Variants in CCDC85A observed in about 807,000 individuals in gnomAD.
The protein encoded by CCDC85A is coiled-coil domain-containing protein 85A.
A neutral mutation model predicts 50.2 loss-of-function variants in CCDC85A; 38 were observed. The observed-to-expected ratio is 0.76, with a 90% confidence interval of 0.58 to 0.99. CCDC85A has a LOEUF of 0.99. Among genes scored for constraint, CCDC85A ranks in the 50% least tolerant of loss-of-function variants. The pLI is 0.00. For missense variants in CCDC85A, 820 were observed against 742.0 expected (o/e 1.11, Z -1.22); for synonymous variants, 366 against 301.4 (o/e 1.21, Z -2.22).
At position 56,329,673 on chromosome 2, in the gene CCDC85A, G is replaced by C. The variant is rs115435122; in HGVS notation, c.1241-13206G>C. ...TGTGTATGAGTTTGTTTTGCCATCT[G>C]TTGTTTCATAGCCAGTACAGAGTAT... On this transcript the variant is annotated intron_variant, in intron 2 of 5. Transcript: ENST00000407595. 8.4e-3 allele frequency among the ~76,000 whole-genome samples: 1,284 copies of C among 152,188 alleles called. 18 individuals are homozygous for C. The highest frequency in any genetic ancestry group is 0.03 in the African/African-American group (1,227 of 41,532).
intron 2 of CCDC85A, among the ~76,000 whole-genome samples, chr2:56,202,565 G>T (rs1406908057): frequency 6.6e-6 from 1 of 152,172 alleles, no homozygotes; most frequent in South Asian, 2.1e-4. Context: ...GGAGCAAAAG[G>T]ATGGGCCAGA....
intron 2 of CCDC85A, among the ~76,000 whole-genome samples, chr2:56,267,053 A>G (rs34979489): frequency 2.0e-5 from 3 of 151,930 alleles, no homozygotes; most frequent in Non-Finnish European, 2.9e-5. Flanking sequence ...TTTCTAATAT[A>G]CAATGTAGGG....
At chr2:56,193,497 G>A (rs536883369) in intron 2 of CCDC85A, 57 bp downstream of exon 2, 3 of 1,496,576 alleles carry the variant, frequency 2.0e-6, no homozygotes, top group East Asian at 2.3e-5. Context: ...AGAGAGTTAC[G>A]AATGATGATG....
intron 2 of CCDC85A, among the ~76,000 whole-genome samples, chr2:56,238,232 A>G (rs1669106172): frequency 6.6e-6 from 1 of 152,104 alleles, no homozygotes; most frequent in South Asian, 2.1e-4. Flanking sequence ...CCTGGCCAAC[A>G]TGGCAAAACC....
Position 56,222,245 on chromosome 2 carries a change from A to G in CCDC85A, c.1240+28805A>G, listed in dbSNP as rs79747899. On this transcript the variant is annotated intron_variant, in intron 2 of 5. Transcript: ENST00000407595. ...TTTATGTGAGTATTACAGTGTAGACACTGAGAAAAAGTGTTTGCTTTTATA... is the reference window on the plus strand; with the variant it reads ...TTTATGTGAGTATTACAGTGTAGACGCTGAGAAAAAGTGTTTGCTTTTATA... Among the ~76,000 whole-genome samples the G allele has an allele frequency of 1.1e-4, 17 of 152,268 alleles. No individual in the cohort carries two copies. In the East Asian group the frequency reaches 3.3e-3, roughly 29 times the overall value.
chr2:56,281,653 T>C (rs1671212738), intron 2 of CCDC85A, among the ~76,000 whole-genome samples: 2 of 152,210 alleles, frequency 1.3e-5, no homozygotes. Flanking sequence ...AGATTTTGTT[T>C]GCATTTCTCT....
At chr2:56,354,318 A>T (rs1313312911) in intron 3 of CCDC85A, among the ~76,000 whole-genome samples, 1 of 152,240 alleles carries the variant, frequency 6.6e-6, no homozygotes, top group Non-Finnish European at 1.5e-5. Flanking sequence ...CAAAGACATG[A>T]GGTATCACAC....
chr2:56,380,785 G>A (rs745904958), intron 5 of CCDC85A, among the ~76,000 whole-genome samples: 3 of 152,046 alleles, frequency 2.0e-5, no homozygotes, highest in Non-Finnish European at 4.4e-5. Flanking sequence ...AATATAAATT[G>A]TGAGGCTTTA....
intron 2 of CCDC85A, among the ~76,000 whole-genome samples, chr2:56,325,327 T>C (rs965020057): frequency 5.9e-5 from 9 of 152,214 alleles, no homozygotes; most frequent in African/African-American, 2.2e-4. Context: ...GAGAAGTTTA[T>C]TGTATTTACC....
At chr2:56,288,221 T>C (rs899996785) in intron 2 of CCDC85A, among the ~76,000 whole-genome samples, 1 of 152,192 alleles carries the variant, frequency 6.6e-6, no homozygotes, top group African/African-American at 2.4e-5. Flanking sequence ...AGCATTTTTA[T>C]TTGTGGCAAA....
At chr2:56,315,065 C>A (rs2104239422) in intron 2 of CCDC85A, among the ~76,000 whole-genome samples, 1 of 152,272 alleles carries the variant, frequency 6.6e-6, no homozygotes, top group African/African-American at 2.4e-5. Flanking sequence ...CTTCATCTGT[C>A]ACAGGCTTCT....
chr2:56,278,028 G>A (rs1463328413), intron 2 of CCDC85A, among the ~76,000 whole-genome samples: 1 of 152,170 alleles, frequency 6.6e-6, no homozygotes, highest in Admixed American at 6.5e-5. Context: ...AGGCTGGGGA[G>A]GCCATACCTT....
At chr2:56,345,613 C>G (rs992510178) in intron 3 of CCDC85A, among the ~76,000 whole-genome samples, 1 of 152,096 alleles carries the variant, frequency 6.6e-6, no homozygotes, top group Non-Finnish European at 1.5e-5. Context: ...TACAAACTAA[C>G]ATGAATACAG....
At chr2:56,365,479 C>G (rs565425712) in intron 3 of CCDC85A, among the ~76,000 whole-genome samples, 2 of 152,198 alleles carry the variant, frequency 1.3e-5, no homozygotes, top group South Asian at 4.1e-4. Context: ...CTGACCCTCC[C>G]TAGGATCATC....
At chr2:56,205,833 A>G (rs1305299263) in intron 2 of CCDC85A, among the ~76,000 whole-genome samples, 1 of 152,142 alleles carries the variant, frequency 6.6e-6, no homozygotes, top group Non-Finnish European at 1.5e-5. Flanking sequence ...TGTCCATGGA[A>G]GGAGGTAAGT....
intron 2 of CCDC85A, among the ~76,000 whole-genome samples, chr2:56,216,481 G>A (rs1677398003): frequency 6.6e-6 from 1 of 151,602 alleles, no homozygotes. Context: ...CTTCCTGACT[G>A]CCAATGAAGC....
chr2:56,209,724 A>G (rs1429458558), intron 2 of CCDC85A, among the ~76,000 whole-genome samples: 2 of 152,116 alleles, frequency 1.3e-5, no homozygotes, highest in East Asian at 3.9e-4. Flanking sequence ...ATACAGTGTA[A>G]GGGAAGGTAA....
At chr2:56,353,489 C>T (rs1675060842) in intron 3 of CCDC85A, among the ~76,000 whole-genome samples, 1 of 152,182 alleles carries the variant, frequency 6.6e-6, no homozygotes, top group African/African-American at 2.4e-5. Flanking sequence ...CATTCTGAGA[C>T]CAGGTGTAAA....
At chr2:56,239,325 A>AT (rs1669154913) in intron 2 of CCDC85A, among the ~76,000 whole-genome samples, 1 of 152,060 alleles carries the variant, frequency 6.6e-6, no homozygotes, top group Non-Finnish European at 1.5e-5. Context: ...CTGGATGATG[A>AT]AGCCCCAAGG....
Sources: gnomAD v4.1 joint callset for allele counts (sites outside exome capture counted in the v4.1 genomes callset) on GRCh38, gnomAD v4.1.1 for gene constraint, MANE v1.5 for transcripts, NCBI Gene and HGNC (gene_info 2026-07-23, HGNC 2026-07-21) for gene names.